ANO1: variants seen among roughly 807,000 people sequenced by gnomAD.
ANO1 encodes anoctamin 1.
ANO1 carries 59 observed loss-of-function variants against 124.0 expected under a neutral mutation model. The ratio of observed to expected loss-of-function variants is 0.48; its 90% CI spans 0.39 to 0.59. The LOEUF (loss-of-function observed/expected upper bound fraction) is 0.59. Ranked by LOEUF, ANO1 falls within the 20% of genes least tolerant of loss-of-function variation. ANO1 has a pLI of 0.00. For synonymous variants in ANO1, 529 were observed against 532.0 expected, an observed-to-expected ratio of 0.99 and a Z score of 0.08; for missense variants, 1,059 against 1,328.0, an observed-to-expected ratio of 0.80 and a Z score of 3.15.
intron 1 of ANO1, among the ~76,000 whole-genome samples, chr11:70,004,331 T>C (rs1224057491): frequency 6.6e-6 from 1 of 152,234 alleles, no homozygotes; most frequent in Non-Finnish European, 1.5e-5. Context: ...AAGATACAGC[T>C]ATTAGAAATT....
intron 1 of ANO1, among the ~76,000 whole-genome samples, chr11:69,994,079 T>C (rs1591021520): frequency 7.6e-6 from 1 of 132,218 alleles, no homozygotes; most frequent in South Asian, 3.0e-4. Flanking sequence ...GCCAATTTGA[T>C]TTTACACCCC....
chr11:70,087,779 G>T lies in ANO1; in HGVS notation c.136G>T (p.Asp46Tyr). Residue 46 changes from aspartate to tyrosine, a missense_variant, in exon 2 of 26, where the codon GAT becomes TAT. Around this residue, in one of 2 missense-constraint regions of ANO1, gnomAD observed 250 missense variants for 233.1 expected, o/e 1.07. Coordinates refer to ENST00000355303, the MANE Select transcript of ANO1 (RefSeq NM_018043.7). ...GCTGAACTCCTTATCTGTGGACCCT[G>T]ATGCCGAGTGCAAGTATGGCCTGTA... The part of the protein sequence containing the change: ...TLLNSLSVDP[D>Y]AECKYGLYFR... 6.2e-7 allele frequency: 1 copy of T among 1,609,272 alleles called. No homozygotes were observed. Among genetic ancestry groups the T allele is most frequent in the Non-Finnish European group, 8.5e-7 (1 of 1,177,576 alleles).
chr11:70,097,953 T>A (rs1241335820), intron 2 of ANO1, among the ~76,000 whole-genome samples: 1 of 152,190 alleles, frequency 6.6e-6, no homozygotes, highest in Admixed American at 6.5e-5. Flanking sequence ...GACAGGCAGA[T>A]GCCAGGGCTG....
rs2048220682 is a variant in ANO1 at position 70,165,483 on chromosome 11, G to A, written c.1964G>A (p.Gly655Asp). 5 of 1,610,488 alleles carry A rather than the reference G, an allele frequency of 3.1e-6. No individual in the cohort carries two copies. Reference sequence around the variant, plus strand: ...CTCTGTCCACAGTGTGCGCCAGGGGGCTGCCTGATGGAGCTATGCATCCAG... The same window carrying A: ...CTCTGTCCACAGTGTGCGCCAGGGGACTGCCTGATGGAGCTATGCATCCAG... ...SFRMEECAPG[G>D]CLMELCIQLS... The change falls in exon 20 of 26, where the codon GGC (glycine) becomes GAC (aspartate). Residue 655 changes from glycine (G) to aspartate (D), a missense_variant. Transcript: ENST00000355303.
At chr11:70,167,634 A>G (rs1177964869) in intron 21 of ANO1, among the ~76,000 whole-genome samples, 1 of 151,892 alleles carries the variant, frequency 6.6e-6, no homozygotes, top group East Asian at 1.9e-4. Context: ...TCAAGCAGCC[A>G]CCGTCCCTAG....
chr11:70,166,092 C>G (rs969841174), intron 20 of ANO1, among the ~76,000 whole-genome samples: 8 of 151,754 alleles, frequency 5.3e-5, no homozygotes, highest in African/African-American at 1.9e-4. Flanking sequence ...CTGAGGCAGG[C>G]GGATCACTTG....
chr11:70,013,214 A>G (rs1486885939), intron 1 of ANO1, among the ~76,000 whole-genome samples: 3 of 152,174 alleles, frequency 2.0e-5, no homozygotes, highest in African/African-American at 2.4e-5. Flanking sequence ...GGCATGTTCA[A>G]GCAACTGAAA....
At chr11:70,098,907 A>G (rs2045132018) in intron 2 of ANO1, among the ~76,000 whole-genome samples, 1 of 152,186 alleles carries the variant, frequency 6.6e-6, no homozygotes, top group South Asian at 2.1e-4. Context: ...TGAAACGAAA[A>G]TGTCAGAAGC....
chr11:70,014,395 G>T (rs190991083), intron 1 of ANO1, among the ~76,000 whole-genome samples: 1 of 151,940 alleles, frequency 6.6e-6, no homozygotes, highest in South Asian at 2.1e-4. Context: ...CATCAATGCC[G>T]TTGCAGAGCT....
At chr11:70,122,569 C>T (rs2046338331) in intron 8 of ANO1, among the ~76,000 whole-genome samples, 1 of 151,646 alleles carries the variant, frequency 6.6e-6, no homozygotes, top group Admixed American at 6.6e-5. Context: ...GTCTCTGTCT[C>T]TCTCTCCACC....
intron 22 of ANO1, among the ~76,000 whole-genome samples, chr11:70,171,385 A>AC (rs5792512): frequency 0.52 from 78,542 of 151,884 alleles, 20,612 homozygotes; most frequent in East Asian, 0.7. Flanking sequence ...CAATTGTGTG[A>AC]CCCCCAGAGC....
At chr11:70,101,895 G>A (rs953518516) in intron 2 of ANO1, among the ~76,000 whole-genome samples, 6 of 152,250 alleles carry the variant, frequency 3.9e-5, no homozygotes, top group East Asian at 3.9e-4. Flanking sequence ...CCCAAGCCCC[G>A]GAGGACCAAG....
At chr11:69,977,877 G>T in the ANO1 span, among the ~76,000 whole-genome samples, 2 of 152,322 alleles carry the variant, frequency 1.3e-5, no homozygotes, top group East Asian at 1.9e-4. Context: ...CAGATGTCTG[G>T]GAATGAATTA....
At chr11:70,078,969 C>T (rs1273144570) in intron 1 of ANO1, among the ~76,000 whole-genome samples, 1 of 152,034 alleles carries the variant, frequency 6.6e-6, no homozygotes, top group Non-Finnish European at 1.5e-5. Flanking sequence ...GCCGGGCCCC[C>T]AGGCATGGCC....
At chr11:70,000,665 C>G (rs1273996548) in intron 1 of ANO1, among the ~76,000 whole-genome samples, 3 of 150,836 alleles carry the variant, frequency 2.0e-5, no homozygotes, top group Non-Finnish European at 4.4e-5. Flanking sequence ...AGCAGTTACT[C>G]AACAGAAATG....
intron 1 of ANO1, among the ~76,000 whole-genome samples, chr11:70,040,573 G>A (rs1857167617): frequency 6.6e-6 from 1 of 152,186 alleles, no homozygotes; most frequent in African/African-American, 2.4e-5. Flanking sequence ...CACTTGGGAG[G>A]CCGAGACATG....
At chr11:70,005,218 T>C (rs1429379992) in intron 1 of ANO1, among the ~76,000 whole-genome samples, 1 of 152,190 alleles carries the variant, frequency 6.6e-6, no homozygotes, top group Non-Finnish European at 1.5e-5. Context: ...CTTTATTATG[T>C]GTTTATGTTC....
intron 9 of ANO1, 108 bp downstream of exon 9, chr11:70,124,522 T>C: frequency 8.3e-7 from 1 of 1,203,968 alleles, no homozygotes; most frequent in Non-Finnish European, 1.2e-6. Context: ...CGGGAACGTG[T>C]TTGAACTCAA....
At chr11:70,033,610 C>T (rs964454946) in intron 1 of ANO1, among the ~76,000 whole-genome samples, 8 of 152,146 alleles carry the variant, frequency 5.3e-5, no homozygotes, top group South Asian at 4.2e-4. Context: ...AGTAGGTGGT[C>T]GGCAAAGCTT....
Sources: gnomAD v4.1 joint callset for allele counts (sites outside exome capture counted in the v4.1 genomes callset) on GRCh38, gnomAD v4.1.1 for gene constraint, gnomAD v4.1.1 regional missense constraint, MANE v1.5 for transcripts, NCBI Gene and HGNC (gene_info 2026-07-23, HGNC 2026-07-21) for gene names.